Variants in SCRG1 observed in about 807,000 individuals in gnomAD.
SCRG1 encodes the protein scrapie-responsive protein 1.
In SCRG1, 3 loss-of-function variants were observed where a neutral mutation model predicts 7.7. That is an observed-to-expected ratio of 0.39 (90% CI 0.18 to 1.01). SCRG1 has a LOEUF of 1.01. SCRG1 is among the 50% of genes least tolerant of loss of function. SCRG1 has a pLI of 0.36. For synonymous variants in SCRG1, 46 were observed against 41.2 expected (o/e 1.12, Z -0.44); for missense variants, 110 against 117.2 (o/e 0.94, Z 0.28).
the SCRG1 span, among the ~76,000 whole-genome samples, chr4:173,493,768 ATACT>A: frequency 2.0e-5 from 3 of 152,184 alleles, no homozygotes; most frequent in Non-Finnish European, 4.4e-5. Context: ...TGAATAAAAA[ATACT>A]TTTATTGAAT....
the SCRG1 span, among the ~76,000 whole-genome samples, chr4:173,459,043 A>C: frequency 3.3e-5 from 5 of 152,250 alleles, no homozygotes; most frequent in African/African-American, 1.2e-4. Flanking sequence ...AAAGGTTCAA[A>C]AGGATCCTTC....
chr4:173,446,379 T>C, the SCRG1 span, among the ~76,000 whole-genome samples: 142,755 of 152,248 alleles, frequency 0.94, 67,609 homozygotes, highest in Non-Finnish European at 1. Flanking sequence ...ATAGTCATTG[T>C]ATTCTTTGAT....
At chr4:173,394,735 C>T (rs1739550962) in intron 1 of SCRG1, among the ~76,000 whole-genome samples, 1 of 152,216 alleles carries the variant, frequency 6.6e-6, no homozygotes, top group African/African-American at 2.4e-5. Context: ...AATTCTCTCT[C>T]ACCACACTAT....
chr4:173,429,091 A>C, the SCRG1 span, among the ~76,000 whole-genome samples: 1 of 152,224 alleles, frequency 6.6e-6, no homozygotes, highest in Non-Finnish European at 1.5e-5. Flanking sequence ...TGTCTATTAA[A>C]GTCATACCAA....
the SCRG1 span, among the ~76,000 whole-genome samples, chr4:173,483,933 T>C: frequency 8.3e-5 from 8 of 95,858 alleles, no homozygotes; most frequent in African/African-American, 3.5e-4. Context: ...ATATTTCATA[T>C]ATAATATAAA....
At chr4:173,398,679 A>G (rs946278945) in intron 1 of SCRG1, among the ~76,000 whole-genome samples, 1 of 152,246 alleles carries the variant, frequency 6.6e-6, no homozygotes, top group Non-Finnish European at 1.5e-5. Context: ...AGTGTAGGTA[A>G]TATAGCTGCT....
chr4:173,463,055 A>T, the SCRG1 span, among the ~76,000 whole-genome samples: 585 of 152,284 alleles, frequency 3.8e-3, no homozygotes, highest in Middle Eastern at 0.01. Context: ...AGGCCACAAA[A>T]CAACCAGAAA....
chr4:173,513,233 C>A, the SCRG1 span, among the ~76,000 whole-genome samples: 1 of 152,170 alleles, frequency 6.6e-6, no homozygotes, highest in East Asian at 1.9e-4. Context: ...TCTCTTTCTC[C>A]CTTTTTTCTT....
At chr4:173,503,666 G>T in the SCRG1 span, among the ~76,000 whole-genome samples, 2 of 152,158 alleles carry the variant, frequency 1.3e-5, no homozygotes, top group Non-Finnish European at 2.9e-5. This position sits in a 1 kb window ranked among gnomAD's most constrained non-coding sequence, Gnocchi z 6.4. Flanking sequence ...TATAAAGGAG[G>T]AAGTCAACAT....
chr4:173,423,586 C>G, the SCRG1 span, among the ~76,000 whole-genome samples: 1 of 151,920 alleles, frequency 6.6e-6, no homozygotes, highest in African/African-American at 2.4e-5. Flanking sequence ...ATAAAAAAAC[C>G]TTTTATTTGT....
chr4:173,435,945 T>G, the SCRG1 span, among the ~76,000 whole-genome samples: 2 of 152,204 alleles, frequency 1.3e-5, no homozygotes, highest in African/African-American at 4.8e-5. Context: ...TATAACTTGG[T>G]CATCACAAAG....
chr4:173,484,441 G>GCATATA, the SCRG1 span, among the ~76,000 whole-genome samples: 60 of 29,328 alleles, frequency 2.0e-3, 2 homozygotes, highest in East Asian at 0.017. Context: ...ATATACATAT[G>GCATATA]ATATATAATA....
chr4:173,472,143 T>A, the SCRG1 span, among the ~76,000 whole-genome samples: 47 of 152,326 alleles, frequency 3.1e-4, no homozygotes, highest in Admixed American at 2.8e-3. Flanking sequence ...GGAAGAATTT[T>A]TCTTTTAAAA....
At chr4:173,466,070 T>A in the SCRG1 span, among the ~76,000 whole-genome samples, 1 of 152,180 alleles carries the variant, frequency 6.6e-6, no homozygotes, top group Non-Finnish European at 1.5e-5. Flanking sequence ...AGACCATTTG[T>A]GTACAAAATG....
At chr4:173,432,503 T>A in the SCRG1 span, among the ~76,000 whole-genome samples, 1 of 151,786 alleles carries the variant, frequency 6.6e-6, no homozygotes, top group Non-Finnish European at 1.5e-5. Context: ...TCAGTATCTG[T>A]CTTTGTGGAT....
At chr4:173,429,378 A>C in the SCRG1 span, among the ~76,000 whole-genome samples, 1 of 152,060 alleles carries the variant, frequency 6.6e-6, no homozygotes, top group Non-Finnish European at 1.5e-5. Context: ...TCAAACTTTC[A>C]AACTCTTGGG....
chr4:173,516,883 T>A, the SCRG1 span, among the ~76,000 whole-genome samples: 2,757 of 152,184 alleles, frequency 0.018, 93 homozygotes, highest in African/African-American at 0.061. Context: ...CTTCCCTGGG[T>A]CTGGGATCTC....
At chr4:173,509,830 C>T in the SCRG1 span, among the ~76,000 whole-genome samples, 1 of 152,180 alleles carries the variant, frequency 6.6e-6, no homozygotes, top group Non-Finnish European at 1.5e-5. The surrounding 1 kb of genome is among the most constrained non-coding windows in gnomAD (Gnocchi z 5.7). Context: ...GAAAACTGAG[C>T]GCCGGCTGGA....
chr4:173,454,510 T>C, the SCRG1 span, among the ~76,000 whole-genome samples: 1 of 152,350 alleles, frequency 6.6e-6, no homozygotes, highest in Non-Finnish European at 1.5e-5. Flanking sequence ...TTTTCTTCAC[T>C]AAAGAGTACC....
Sources: gnomAD v4.1 joint callset for allele counts (sites outside exome capture counted in the v4.1 genomes callset) on GRCh38, gnomAD v4.1.1 for gene constraint, Gnocchi (gnomAD v3.1) non-coding constraint, MANE v1.5 for transcripts, NCBI Gene and HGNC (gene_info 2026-07-23, HGNC 2026-07-21) for gene names.